Variants in GPC5 observed in about 807,000 individuals in gnomAD.
GPC5 encodes the protein glypican-5.
A neutral mutation model predicts 53.9 loss-of-function variants in GPC5; 47 were observed. The observed-to-expected ratio is 0.87, with a 90% CI of 0.69 to 1.11. The LOEUF (loss-of-function observed/expected upper bound fraction) is 1.11, where lower values mean the gene tolerates loss of function less well. Among genes scored for constraint, GPC5 ranks in the 50% most tolerant of loss-of-function variants. GPC5 has a pLI of 0.00. For synonymous variants in GPC5, 286 were observed against 263.3 expected (o/e 1.09, Z -0.84); for missense variants, 748 against 713.1 (o/e 1.05, Z -0.56).
chr13:92,224,296 TAG>T (rs1322615478), intron 7 of GPC5, among the ~76,000 whole-genome samples: 1 of 152,204 alleles, frequency 6.6e-6, no homozygotes, highest in East Asian at 1.9e-4. Flanking sequence ...AATGAAGCCT[TAG>T]GTAATTCTAT....
At chr13:91,699,540 T>C (rs1324429178) in intron 3 of GPC5, among the ~76,000 whole-genome samples, 1 of 152,234 alleles carries the variant, frequency 6.6e-6, no homozygotes, top group Non-Finnish European at 1.5e-5. Flanking sequence ...GGGTTGATAT[T>C]GAACTTATGA....
At chr13:91,694,830 A>T (rs1196134872) in intron 3 of GPC5, among the ~76,000 whole-genome samples, 2 of 152,198 alleles carry the variant, frequency 1.3e-5, no homozygotes, top group African/African-American at 4.8e-5. Flanking sequence ...GCTGGTCTCG[A>T]ACTCTTGACC....
intron 5 of GPC5, among the ~76,000 whole-genome samples, chr13:91,816,421 G>A (rs1308925068): frequency 6.6e-6 from 1 of 152,002 alleles, no homozygotes; most frequent in Non-Finnish European, 1.5e-5. Flanking sequence ...TTGCTTTCAG[G>A]GAGGGAAAGG....
chr13:92,734,227 C>G (rs1888880149), intron 7 of GPC5, among the ~76,000 whole-genome samples: 1 of 151,810 alleles, frequency 6.6e-6, no homozygotes. Flanking sequence ...CCTTCTGACT[C>G]TTAACATTTT....
At chr13:92,246,061 C>G (rs1185838535) in intron 7 of GPC5, among the ~76,000 whole-genome samples, 5 of 151,890 alleles carry the variant, frequency 3.3e-5, no homozygotes, top group Non-Finnish European at 7.4e-5. Flanking sequence ...CCATGATCAC[C>G]TCATTGATTC....
At chr13:92,242,843 A>G (rs145123780) in intron 7 of GPC5, among the ~76,000 whole-genome samples, 1 of 152,256 alleles carries the variant, frequency 6.6e-6, no homozygotes, top group Admixed American at 6.5e-5. Flanking sequence ...TGTTACTTCA[A>G]TGTCCTTATA....
chr13:92,310,142 T>C (rs2043136265), intron 7 of GPC5, among the ~76,000 whole-genome samples: 2 of 152,258 alleles, frequency 1.3e-5, no homozygotes, highest in South Asian at 4.1e-4. Flanking sequence ...TATGTATATA[T>C]GTATTTATAT....
At chr13:92,301,607 C>G (rs757088244) in intron 7 of GPC5, among the ~76,000 whole-genome samples, 7 of 152,044 alleles carry the variant, frequency 4.6e-5, no homozygotes, top group Non-Finnish European at 7.4e-5. Flanking sequence ...GATCACAGGT[C>G]AGGTGACAGT....
At chr13:91,973,332 A>C (rs2040263022) in intron 6 of GPC5, among the ~76,000 whole-genome samples, 1 of 151,986 alleles carries the variant, frequency 6.6e-6, no homozygotes, top group South Asian at 2.1e-4. Context: ...TCCTTTAAGG[A>C]CTTCTCTGCA....
At chr13:91,875,541 C>T (rs2138939269) in intron 5 of GPC5, among the ~76,000 whole-genome samples, 1 of 152,070 alleles carries the variant, frequency 6.6e-6, no homozygotes, top group South Asian at 2.1e-4. Context: ...TATTTCATTT[C>T]TTCATGTTAT....
Position 91,819,129 on chromosome 13 carries a change from T to C in GPC5, c.1280+62709T>C, listed in dbSNP as rs190649043. ...TCCTGACTTAACTGAGAATTATTTC[T>C]TTTTATTAAAAAAAATATGCGCTTT... is the stretch of plus-strand genomic sequence containing the variant. On this transcript the variant is annotated intron_variant, in intron 5 of 7. Transcript: ENST00000377067. 1.5e-3 allele frequency among the ~76,000 whole-genome samples: 223 copies of C among 151,170 alleles called. 1 individual carries two copies. The Middle Eastern group carries it at 0.035, about 24-fold the overall frequency.
chr13:92,164,314 G>T (rs1188403270), intron 7 of GPC5, among the ~76,000 whole-genome samples: 1 of 152,156 alleles, frequency 6.6e-6, no homozygotes, highest in African/African-American at 2.4e-5. Context: ...CTATGAGCCT[G>T]TAAAATCAAA....
At chr13:92,065,683 T>C (rs1176841894) in intron 6 of GPC5, among the ~76,000 whole-genome samples, 4 of 152,104 alleles carry the variant, frequency 2.6e-5, no homozygotes. Flanking sequence ...TTTTGAAAAA[T>C]CATTTAAGCA....
intron 7 of GPC5, among the ~76,000 whole-genome samples, chr13:92,271,278 T>G (rs1455226667): frequency 6.6e-6 from 1 of 152,224 alleles, no homozygotes; most frequent in Non-Finnish European, 1.5e-5. Context: ...GTACAGTCAT[T>G]TGTAGCTTCA....
chr13:91,406,049 G>A (rs1877301708), intron 1 of GPC5, among the ~76,000 whole-genome samples: 1 of 152,160 alleles, frequency 6.6e-6, no homozygotes, highest in Admixed American at 6.5e-5. Flanking sequence ...TGGGATTATA[G>A]GTGTGAGCCA....
At chr13:91,399,997 C>G (rs1876811560) in intron 1 of GPC5, among the ~76,000 whole-genome samples, 1 of 152,116 alleles carries the variant, frequency 6.6e-6, no homozygotes, top group African/African-American at 2.4e-5. Context: ...GCTTTCGAAC[C>G]CTGCTCCCCG....
At chr13:92,298,838 C>G (rs1021465132) in intron 7 of GPC5, among the ~76,000 whole-genome samples, 2 of 152,174 alleles carry the variant, frequency 1.3e-5, no homozygotes, top group Admixed American at 6.5e-5. Context: ...TCTCGTCCTG[C>G]CTCTCGTCCG....
chr13:92,823,355 G>C (rs1380038582), intron 7 of GPC5, among the ~76,000 whole-genome samples: 2 of 151,930 alleles, frequency 1.3e-5, no homozygotes, highest in Non-Finnish European at 2.9e-5. Context: ...AAATACAAAG[G>C]AACATATAAA....
Position 91,691,555 on chromosome 13 carries a change from C to T in GPC5, c.326-1632C>T, listed in dbSNP as rs181239408. 6.5e-4 allele frequency among the ~76,000 whole-genome samples: 99 copies of T among 152,146 alleles called. 1 individual carries two copies. The highest frequency in any genetic ancestry group is 2.3e-3 in the African/African-American group (96 of 41,418). ...CATGAGCTCTACCTAACAATTTATACGTACTCTATTGAAACAGAATTGCAA... is the reference window on the plus strand; with the variant it reads ...CATGAGCTCTACCTAACAATTTATATGTACTCTATTGAAACAGAATTGCAA... On this transcript the variant is annotated intron_variant, in intron 2 of 7. Coordinates refer to ENST00000377067, the MANE Select transcript of GPC5 (RefSeq NM_004466.6).
Sources: gnomAD v4.1 joint callset for allele counts (sites outside exome capture counted in the v4.1 genomes callset) on GRCh38, gnomAD v4.1.1 for gene constraint, MANE v1.5 for transcripts, NCBI Gene and HGNC (gene_info 2026-07-23, HGNC 2026-07-21) for gene names.